Variants in ARID1B observed in about 807,000 individuals in gnomAD.
ARID1B encodes AT-rich interaction domain 1B.
In ARID1B, 30 loss-of-function variants were observed where a neutral mutation model predicts 212.3. The observed-to-expected ratio is 0.14, with a 90% CI of 0.11 to 0.19. ARID1B has a LOEUF of 0.19. Ranked by LOEUF, ARID1B falls within the 10% of genes least tolerant of loss-of-function variation. The pLI is 1.00. For synonymous variants in ARID1B, 1,402 were observed against 1,301.7 expected (o/e 1.08, Z -1.66); for missense variants, 2,891 against 3,204.0 (o/e 0.90, Z 2.36).
At chr6:156,832,206 CTG>C (rs1436907979) in intron 2 of ARID1B, among the ~76,000 whole-genome samples, 3 of 152,154 alleles carry the variant, frequency 2.0e-5, no homozygotes, top group African/African-American at 7.2e-5. Flanking sequence ...TAGCTTGAGT[CTG>C]TGTTCTTTGG....
intron 4 of ARID1B, among the ~76,000 whole-genome samples, chr6:157,018,433 C>T (rs553330810): frequency 9.9e-5 from 15 of 152,156 alleles, no homozygotes; most frequent in Non-Finnish European, 2.1e-4. Context: ...CCAGGCAGGT[C>T]TCGAACTCCT....
In ARID1B at chr6:156,933,760, TG is replaced by T. The variant is rs979284814; in HGVS notation, c.2137-1705del. ...TTAAATATCTGAGGCTTTTTTTGTT[TG>T]TTTTTTGTTTGTTTGTTTTTTTGGT... On this transcript the variant is annotated intron_variant, in intron 3 of 19. Coordinates refer to ENST00000636930, the MANE Select transcript of ARID1B (RefSeq NM_001374828.1). Among the ~76,000 whole-genome samples the T allele has an allele frequency of 4.1e-3, 622 of 152,292 alleles. 3 individuals are homozygous for T. Among genetic ancestry groups the T allele is most frequent in the African/African-American group, 0.014 (594 of 41,566 alleles).
intron 4 of ARID1B, among the ~76,000 whole-genome samples, chr6:157,066,797 T>C (rs1783702344): frequency 6.6e-6 from 1 of 152,218 alleles, no homozygotes; most frequent in Non-Finnish European, 1.5e-5. Context: ...ATTAAATGAT[T>C]TTAATTTCAG....
chr6:157,158,008 AGTAAGACCCT>A (rs1790681660), intron 8 of ARID1B, among the ~76,000 whole-genome samples: 2 of 152,240 alleles, frequency 1.3e-5, no homozygotes, highest in Admixed American at 1.3e-4. Context: ...GGAGTAAAAC[AGTAAGACCCT>A]GTCTCTTAAA....
intron 2 of ARID1B, among the ~76,000 whole-genome samples, chr6:156,883,222 C>T (rs764197754): frequency 3.7e-4 from 56 of 152,280 alleles, no homozygotes; most frequent in Non-Finnish European, 6.8e-4. Flanking sequence ...TTCTTGGTAG[C>T]ATTATTGTAA....
rs1583503818 is a variant in ARID1B at position 157,201,834 on chromosome 6, A to G, written c.5263+346A>G. 1.3e-5 allele frequency among the ~76,000 whole-genome samples: 2 copies of G among 152,306 alleles called. No homozygotes were observed. The highest frequency in any genetic ancestry group is 3.9e-4 in the East Asian group (2 of 5,188). On this transcript the variant is annotated intron_variant, in intron 18 of 19. Coordinates refer to ENST00000636930, the MANE Select transcript of ARID1B (RefSeq NM_001374828.1). The surrounding 1 kb of genome is among the most constrained non-coding windows in gnomAD (Gnocchi z 5.2). ...GTGAATGTTATTTGTGTGAAAGATT[A>G]GAGCTTCAAGTAAGAGATCAGGGAA...
chr6:157,011,105 CTTCTT>C (rs1263088870), intron 4 of ARID1B, among the ~76,000 whole-genome samples: 2 of 152,094 alleles, frequency 1.3e-5, no homozygotes, highest in Non-Finnish European at 2.9e-5. Context: ...GCATTCTGTA[CTTCTT>C]TTCATTTGTT....
At chr6:157,007,220 T>C (rs1238859733) in intron 4 of ARID1B, among the ~76,000 whole-genome samples, 1 of 152,270 alleles carries the variant, frequency 6.6e-6, no homozygotes, top group African/African-American at 2.4e-5. Flanking sequence ...AGACTAAAGA[T>C]AATTGTTACT....
intron 7 of ARID1B, chr6:157,140,795 G>T (rs73021541): frequency 0.05 from 19,828 of 396,408 alleles, 658 homozygotes; most frequent in Non-Finnish European, 0.068. Context: ...CCTGGTCCGG[G>T]ATCCGCTTCT....
chr6:157,052,112 A>C (rs531112496), intron 4 of ARID1B, among the ~76,000 whole-genome samples: 12 of 152,244 alleles, frequency 7.9e-5, no homozygotes, highest in Admixed American at 4.6e-4. Context: ...GTAATGACGT[A>C]GGAAAATGTC....
At chr6:157,013,366 A>G (rs1219084453) in intron 4 of ARID1B, among the ~76,000 whole-genome samples, 6 of 152,184 alleles carry the variant, frequency 3.9e-5, no homozygotes, top group Non-Finnish European at 5.9e-5. Flanking sequence ...TCTGAAGCCT[A>G]TGGACTTAGT....
At chr6:156,793,605 G>A (rs915872427) in intron 1 of ARID1B, among the ~76,000 whole-genome samples, 2 of 152,204 alleles carry the variant, frequency 1.3e-5, no homozygotes, top group Non-Finnish European at 2.9e-5. Flanking sequence ...CGAAGAGCTA[G>A]GATTATAGGT....
At chr6:156,783,316 G>C (rs1264156185) in intron 1 of ARID1B, among the ~76,000 whole-genome samples, 1 of 150,582 alleles carries the variant, frequency 6.6e-6, no homozygotes, top group Non-Finnish European at 1.5e-5. Flanking sequence ...AGAAAATAAC[G>C]TCTTTATTCT....
rs1459507646 is a variant in ARID1B at position 157,181,025 on chromosome 6, G to A, written c.3561G>A (p.Gly1187=). 2 of 1,614,086 alleles carry A rather than the reference G, an allele frequency of 1.2e-6. No individual in the cohort carries two copies. Among genetic ancestry groups the A allele is most frequent in the Non-Finnish European group, 1.7e-6 (2 of 1,180,032 alleles). Residue 1187 remains glycine, a synonymous_variant, in exon 12 of 20, where the codon GGG becomes GGA. Transcript: ENST00000636930. ...GEKITKVYEL[G]NEPERKLWVD... is the part of the protein sequence containing the mutation. ...AGATCACGAAGGTGTACGAGCTGGG[G>A]AATGAGCCAGAGAGAAAGCTCTGGG...
Position 156,778,178 on chromosome 6 carries a change from GCACCACCACCACCACCATGCC to G in ARID1B, c.527_547del (p.His176_His182del), listed in dbSNP as rs767952510. On this transcript the variant is annotated inframe_deletion, in exon 1 of 20. Transcript: ENST00000636930. The stretch of plus-strand genomic sequence containing the variant: ...CCCCCGCCGCGCCGCCCCACCAGCA[GCACCACCACCACCACCATGCC>G]CACCACCACCACCACCATGCCCACC... 291 of 1,540,320 alleles carry G rather than the reference GCACCACCACCACCACCATGCC, an allele frequency of 1.9e-4. No individual in the cohort carries two copies. Among genetic ancestry groups the G allele is most frequent in the African/African-American group, 2.7e-4 (20 of 72,866 alleles).
At chr6:157,004,890 CTTTTTTCTTTTTTT>C (rs1779123081) in intron 4 of ARID1B, among the ~76,000 whole-genome samples, 1 of 35,688 alleles carries the variant, frequency 2.8e-5, no homozygotes, top group South Asian at 1.9e-3. Flanking sequence ...TTTTCTTCTT[CTTTTTTCTTTTTTT>C]TTTTTTTTTT....
At chr6:157,044,214 G>C (rs1463873978) in intron 4 of ARID1B, among the ~76,000 whole-genome samples, 1 of 152,102 alleles carries the variant, frequency 6.6e-6, no homozygotes, top group East Asian at 1.9e-4. Context: ...AATAACAAAA[G>C]GATTAGTCAC....
intron 7 of ARID1B, chr6:157,140,529 C>A: frequency 2.5e-6 from 1 of 398,166 alleles, no homozygotes; most frequent in South Asian, 1.3e-4. Flanking sequence ...TATTCATTGT[C>A]AGTTGTCCAA....
At chr6:156,996,368 G>C (rs1778592359) in intron 4 of ARID1B, among the ~76,000 whole-genome samples, 1 of 152,178 alleles carries the variant, frequency 6.6e-6, no homozygotes, top group Non-Finnish European at 1.5e-5. Context: ...CAGTCCCTCT[G>C]AAAGGGAATC....
Sources: allele counts gnomAD v4.1 joint callset (sites outside exome capture counted in the v4.1 genomes callset), GRCh38; gene constraint gnomAD v4.1.1; non-coding constraint Gnocchi (gnomAD v3.1); transcripts MANE v1.5; gene names NCBI Gene and HGNC (gene_info 2026-07-23, HGNC 2026-07-21).